CDKN2A: variants seen among roughly 807,000 people sequenced by gnomAD.
CDKN2A encodes the protein cyclin dependent kinase inhibitor 2A.
In CDKN2A, 3 loss-of-function variants were observed where a neutral mutation model predicts 11.1. That is an observed-to-expected ratio of 0.27 (90% confidence interval 0.12 to 0.70). The LOEUF (loss-of-function observed/expected upper bound fraction) is 0.70, where lower values mean the gene tolerates loss of function less well. CDKN2A is among the 30% of genes least tolerant of loss of function. The pLI is 0.77. For synonymous variants in CDKN2A, 122 were observed against 108.1 expected (o/e 1.13, Z -0.80); for missense variants, 265 against 233.6 (o/e 1.13, Z -0.88).
At position 21,974,354 on chromosome 9, in the gene CDKN2A, C is replaced by T. The variant is rs1819919946; in HGVS notation, c.150+324G>A. ...GCACATCTTACATTTCTTTAAGACT[C>T]CCTTTTTATCCCAAACGTTCGTAAA... On this transcript the variant is annotated intron_variant, in intron 1 of 2. Transcript: ENST00000304494. The surrounding 1 kb of genome is among the most constrained non-coding windows in gnomAD (Gnocchi z 5.2). 16 of 1,477,030 alleles carry T rather than the reference C, an allele frequency of 1.1e-5. No homozygotes were observed. In the South Asian group the frequency reaches 2.0e-4, roughly 18 times the overall value. 91.5% of individuals were successfully genotyped at this position (1,477,030 alleles called of 1,614,324 possible).
At chr9:21,971,364 G>A in intron 1 of CDKN2A, 156 bp from the exon 2 acceptor site, 1 of 1,491,078 alleles carries the variant, frequency 6.7e-7, no homozygotes, top group East Asian at 2.5e-5. Flanking sequence ...TTTCCTTCTT[G>A]AGTTCTCTAT....
Position 21,968,554 on chromosome 9 carries a change from T to A in CDKN2A, c.458-312A>T. Reference sequence around the variant, plus strand: ...CAAGAAGAAAACGAGTGTTATATAATGAGTCTCAGTGGTTGCTCACAATGC... The same window carrying A: ...CAAGAAGAAAACGAGTGTTATATAAAGAGTCTCAGTGGTTGCTCACAATGC... On this transcript the variant is annotated intron_variant, in intron 2 of 2. Transcript: ENST00000304494. This position sits in a 1 kb window ranked among gnomAD's most constrained non-coding sequence, Gnocchi z 4.7. 2 of 1,456,380 alleles carry A rather than the reference T, an allele frequency of 1.4e-6. No individual in the cohort carries two copies. Among genetic ancestry groups the A allele is most frequent in the Non-Finnish European group, 1.8e-6 (2 of 1,112,096 alleles). 90.2% of individuals were successfully genotyped at this position (1,456,380 alleles called of 1,614,324 possible).
Position 21,974,464 on chromosome 9 carries a change from C to A in CDKN2A, c.150+214G>T, listed in dbSNP as rs189126115. ...CTTCTCAGCATTCGAGAGATCTGTA[C>A]GCGCGTGGCTCCTCATTCCTCTTCC... On this transcript the variant is annotated intron_variant, in intron 1 of 2. Coordinates refer to ENST00000304494, the MANE Select transcript of CDKN2A (RefSeq NM_000077.5). This position sits in a 1 kb window ranked among gnomAD's most constrained non-coding sequence, Gnocchi z 5.2. 2.5e-6 allele frequency: 4 copies of A among 1,606,042 alleles called. No individual in the cohort carries two copies. The highest frequency in any genetic ancestry group is 2.2e-5 in the South Asian group (2 of 90,216).
chr9:21,980,279 T>C (rs1325011584), intron 2 of CDKN2A, among the ~76,000 whole-genome samples: 2 of 152,196 alleles, frequency 1.3e-5, no homozygotes, highest in Non-Finnish European at 2.9e-5. Context: ...AATATTAACA[T>C]TATTATTAAA....
chr9:21,994,497 G>GC, intron 1 of CDKN2A: 2 of 1,332,640 alleles, frequency 1.5e-6, no homozygotes, highest in South Asian at 1.5e-5. Context: ...GAGCGCGCCC[G>GC]CCCCCCACCT....
At chr9:21,992,316 TA>T in intron 2 of CDKN2A, 1 of 856,634 alleles carries the variant, frequency 1.2e-6, no homozygotes, top group South Asian at 5.4e-5. Flanking sequence ...TATAATTACA[TA>T]TCATTATAAT....
Position 21,968,020 on chromosome 9 carries a change from T to C in CDKN2A, c.*209A>G. 1.7e-6 allele frequency: 1 copy of C among 578,432 alleles called. No homozygotes were observed. Among genetic ancestry groups the C allele is most frequent in the Non-Finnish European group, 3.1e-6 (1 of 324,320 alleles). 35.8% of individuals were successfully genotyped at this position (578,432 alleles called of 1,614,324 possible). On this transcript the variant is annotated 3_prime_UTR_variant, in exon 3 of 3. Coordinates refer to ENST00000304494, the MANE Select transcript of CDKN2A (RefSeq NM_000077.5). This position sits in a 1 kb window ranked among gnomAD's most constrained non-coding sequence, Gnocchi z 4.7. ...TTTCTTTTTTACATTTTTATAAGAA[T>C]ATATAAAAAATGATATAAATGGACA...
intron 2 of CDKN2A, chr9:21,992,249 C>A: frequency 5.3e-6 from 5 of 942,098 alleles, no homozygotes; most frequent in Non-Finnish European, 5.1e-6. Flanking sequence ...TAATTAGTAT[C>A]CATATATATT....
intron 1 of CDKN2A, among the ~76,000 whole-genome samples, chr9:21,973,618 G>T (rs1271919769): frequency 2.0e-5 from 3 of 152,034 alleles, no homozygotes; most frequent in Non-Finnish European, 2.9e-5. Context: ...TCACAAAACA[G>T]GAGTAGGGAG....
Position 21,968,661 on chromosome 9 carries a change from C to A in CDKN2A, c.458-419G>T, listed in dbSNP as rs1449422751. The A allele has an allele frequency of 6.5e-7, 1 of 1,534,788 alleles. No individual in the cohort carries two copies. Among genetic ancestry groups the A allele is most frequent in the Non-Finnish European group, 8.7e-7 (1 of 1,146,076 alleles). On this transcript the variant is annotated intron_variant, in intron 2 of 2. Coordinates refer to ENST00000304494, the MANE Select transcript of CDKN2A (RefSeq NM_000077.5). This position sits in a 1 kb window ranked among gnomAD's most constrained non-coding sequence, Gnocchi z 4.7. ...TGCACCTGGTGCGGAGTGAGCCAGCCAGCTTGCGATAACCAAAGGGCGCCT... is the reference window on the plus strand; with the variant it reads ...TGCACCTGGTGCGGAGTGAGCCAGCAAGCTTGCGATAACCAAAGGGCGCCT...
intron 1 of CDKN2A, among the ~76,000 whole-genome samples, chr9:21,972,713 C>A (rs1011001267): frequency 5.3e-5 from 8 of 152,200 alleles, no homozygotes; most frequent in Non-Finnish European, 1.2e-4. Flanking sequence ...GAGATGGTCA[C>A]CTCTTTGGTT....
intron 2 of CDKN2A, among the ~76,000 whole-genome samples, chr9:21,981,243 G>A (rs1042727028): frequency 1.4e-5 from 2 of 144,216 alleles, no homozygotes; most frequent in Admixed American, 7.2e-5. Context: ...TCTTGAACTG[G>A]GATGAGCTCT....
Position 21,991,950 on chromosome 9 carries a change from C to A in CDKN2A, c.-4+1932G>T. ...CTGAGCCTTCTGAAGTAGCTATAAA[C>A]AAATGAATATTTAACTTCATAATAA... On this transcript the variant is annotated intron_variant, in intron 2 of 3. Transcript: ENST00000494262. This position sits in a 1 kb window ranked among gnomAD's most constrained non-coding sequence, Gnocchi z 5.2. 1.0e-6 allele frequency: 1 copy of A among 982,760 alleles called. No individual in the cohort carries two copies. Among genetic ancestry groups the A allele is most frequent in the South Asian group, 4.7e-5 (1 of 21,248 alleles). The allele number at this position is 982,760 out of a possible 1,614,324, so 60.9% of individuals were successfully genotyped here.
chr9:21,976,914 G>T (rs527578809), upstream of CDKN2A, among the ~76,000 whole-genome samples: 186 of 152,270 alleles, frequency 1.2e-3, no homozygotes, highest in African/African-American at 4.3e-3. Flanking sequence ...CATGTACTAC[G>T]TTTTAAAAAA....
upstream of CDKN2A, among the ~76,000 whole-genome samples, chr9:21,978,975 T>C (rs759932609): frequency 6.6e-6 from 1 of 152,212 alleles, no homozygotes; most frequent in Non-Finnish European, 1.5e-5. Context: ...AAATGAAGCA[T>C]GTAACGCTCT....
At chr9:21,973,670 T>G (rs1819884379) in intron 1 of CDKN2A, among the ~76,000 whole-genome samples, 1 of 152,182 alleles carries the variant, frequency 6.6e-6, no homozygotes, top group African/African-American at 2.4e-5. Flanking sequence ...TTGAAAACTC[T>G]TATCACAAAT....
intron 2 of CDKN2A, among the ~76,000 whole-genome samples, chr9:21,981,630 A>AG (rs1656175753): frequency 1.2e-5 from 1 of 80,258 alleles, no homozygotes; most frequent in African/African-American, 5.1e-5. Context: ...TGAAAAAATG[A>AG]CTTTTTTTTT....
Position 21,970,939 on chromosome 9 carries a change from A to G in CDKN2A, c.420T>C (p.Ser140=). 2 of 1,612,438 alleles carry G rather than the reference A, an allele frequency of 1.2e-6. No individual in the cohort carries two copies. The highest frequency in any genetic ancestry group is 1.7e-6 in the Non-Finnish European group (2 of 1,180,010). Reference sequence around the variant, plus strand: ...CCGCGGCATCTATGCGGGCATGGTTACTGCCTCTGGTGCCCCCCGCAGCCG... The same window carrying G: ...CCGCGGCATCTATGCGGGCATGGTTGCTGCCTCTGGTGCCCCCCGCAGCCG... ...LRAAAGGTRG[S]NHARIDAAEG... is the part of the protein sequence containing the mutation. Residue 140 remains serine, a synonymous_variant, in exon 2 of 3, where the codon AGT becomes AGC. Transcript: ENST00000304494.
rs1302959290 is a variant in CDKN2A, at chr9:21,995,252, C to G, written c.-607G>C. ...CGTCGCCGAGGGCGCCTGGCTGGGA[C>G]AAGCACCGAGTCCTTTGTGTCTAGC... On this transcript the variant is annotated 5_prime_UTR_variant, in exon 1 of 4. Coordinates refer to the CDKN2A transcript ENST00000494262. This position sits in a 1 kb window ranked among gnomAD's most constrained non-coding sequence, Gnocchi z 5.7. The G allele has an allele frequency of 2.0e-5, 3 of 152,282 alleles. No individual in the cohort carries two copies. Among genetic ancestry groups the G allele is most frequent in the Non-Finnish European group, 4.4e-5 (3 of 68,084 alleles). The allele number at this position is 152,282 out of a possible 1,614,324, so 9.4% of individuals were successfully genotyped here. A position where few individuals can be genotyped will look rare whatever the true frequency, so the allele number is the denominator to read the frequency against.
Sources: allele counts gnomAD v4.1 joint callset (sites outside exome capture counted in the v4.1 genomes callset), GRCh38; gene constraint gnomAD v4.1.1; non-coding constraint Gnocchi (gnomAD v3.1); transcripts MANE v1.5; gene names NCBI Gene and HGNC (gene_info 2026-07-23, HGNC 2026-07-21).